TASP1: variants seen among roughly 807,000 people sequenced by gnomAD.
TASP1 encodes threonine aspartase 1.
TASP1 carries 16 observed loss-of-function variants against 56.6 expected under a neutral mutation model. The ratio of observed to expected loss-of-function variants is 0.28; its 90% CI spans 0.19 to 0.43. The LOEUF is 0.43. Among genes scored for constraint, TASP1 ranks in the 20% least tolerant of loss-of-function variants. The pLI, the probability that TASP1 is intolerant of heterozygous loss-of-function variation, is 1.00. For missense variants in TASP1, 393 were observed against 511.6 expected, an observed-to-expected ratio of 0.77 and a Z score of 2.24; for synonymous variants, 179 against 184.2, an observed-to-expected ratio of 0.97 and a Z score of 0.23.
the TASP1 span, among the ~76,000 whole-genome samples, chr20:13,350,239 T>A: frequency 6.6e-6 from 1 of 151,866 alleles, no homozygotes; most frequent in Non-Finnish European, 1.5e-5. Context: ...AGAAAGAAGA[T>A]CTAAATAAAC....
intron 12 of TASP1, among the ~76,000 whole-genome samples, chr20:13,426,902 T>C (rs186811355): frequency 2.6e-5 from 4 of 152,312 alleles, no homozygotes; most frequent in East Asian, 1.9e-4. Flanking sequence ...ACCATGACAA[T>C]GGACTGTCAC....
At chr20:13,126,549 G>C in the TASP1 span, 2 of 1,608,712 alleles carry the variant, frequency 1.2e-6, no homozygotes, top group Non-Finnish European at 1.7e-6. Flanking sequence ...CCAGTGTTGA[G>C]ATTTATTTGC....
At chr20:13,635,074 G>A (rs966580576) in intron 1 of TASP1, among the ~76,000 whole-genome samples, 5 of 152,166 alleles carry the variant, frequency 3.3e-5, no homozygotes, top group East Asian at 1.9e-4. Flanking sequence ...ATTTGGTAAT[G>A]GTTGCACAAC....
the TASP1 span, among the ~76,000 whole-genome samples, chr20:13,379,295 G>C: frequency 6.6e-6 from 1 of 152,166 alleles, no homozygotes; most frequent in African/African-American, 2.4e-5. Context: ...CTCAGCATTT[G>C]CTTGTCTGTA....
At chr20:13,337,075 T>G in the TASP1 span, among the ~76,000 whole-genome samples, 2 of 152,230 alleles carry the variant, frequency 1.3e-5, no homozygotes, top group Non-Finnish European at 2.9e-5. Context: ...GCACCAGAAT[T>G]CAGAGGGATT....
At chr20:13,473,932 G>C (rs2044619879) in intron 11 of TASP1, among the ~76,000 whole-genome samples, 1 of 152,100 alleles carries the variant, frequency 6.6e-6, no homozygotes, top group Non-Finnish European at 1.5e-5. Context: ...AATTTAGCTG[G>C]ATGTGGTGGT....
intron 1 of TASP1, among the ~76,000 whole-genome samples, 154 bp from the exon 2 acceptor site, chr20:13,630,306 ATT>A (rs1393742315): frequency 2.6e-5 from 4 of 152,164 alleles, no homozygotes; most frequent in East Asian, 3.9e-4. Context: ...TATTAAAATT[ATT>A]TTTTCTTATT....
intron 6 of TASP1, among the ~76,000 whole-genome samples, chr20:13,572,578 C>T (rs1485255378): frequency 1.0e-4 from 15 of 147,566 alleles, no homozygotes. Flanking sequence ...CCCAGCTACT[C>T]GGGAGGCTGA....
the TASP1 span, among the ~76,000 whole-genome samples, chr20:13,378,710 A>C: frequency 1.3e-5 from 2 of 152,156 alleles, no homozygotes; most frequent in African/African-American, 4.8e-5. Context: ...TGGGAGTCTA[A>C]GTCTCTTTGT....
chr20:13,268,095 A>C, the TASP1 span, among the ~76,000 whole-genome samples: 2 of 122,630 alleles, frequency 1.6e-5, no homozygotes, highest in Admixed American at 7.7e-5. Context: ...AAAAGATAGC[A>C]TGCTCTCTCT....
intron 11 of TASP1, among the ~76,000 whole-genome samples, chr20:13,457,419 C>T (rs1043818856): frequency 1.3e-5 from 2 of 151,918 alleles, no homozygotes; most frequent in East Asian, 1.9e-4. Flanking sequence ...ATGCTTTATG[C>T]TCAAAAACAA....
At chr20:13,512,561 A>G (rs1257198588) in intron 10 of TASP1, among the ~76,000 whole-genome samples, 3 of 151,882 alleles carry the variant, frequency 2.0e-5, no homozygotes, top group African/African-American at 4.8e-5. Context: ...TTGCCTGTTC[A>G]CTCTGATAGT....
chr20:13,365,082 C>A, the TASP1 span, among the ~76,000 whole-genome samples: 4 of 152,244 alleles, frequency 2.6e-5, no homozygotes, highest in East Asian at 7.7e-4. Flanking sequence ...CAAAGAATAT[C>A]TTTGTCTCTT....
downstream of TASP1, among the ~76,000 whole-genome samples, chr20:13,387,184 A>ATTTTTTTTTT (rs779048448): frequency 8.5e-5 from 6 of 70,692 alleles, no homozygotes; most frequent in Non-Finnish European, 1.3e-4. Flanking sequence ...ACATGATTTC[A>ATTTTTTTTTT]TTTTTTTTTT....
the TASP1 span, among the ~76,000 whole-genome samples, chr20:13,257,640 C>T: frequency 6.6e-6 from 1 of 151,892 alleles, no homozygotes; most frequent in Non-Finnish European, 1.5e-5. Flanking sequence ...CCTGATTAAC[C>T]CTAAAAAGTC....
chr20:13,424,014 T>C (rs2042538940), intron 12 of TASP1, among the ~76,000 whole-genome samples: 1 of 152,244 alleles, frequency 6.6e-6, no homozygotes, highest in Non-Finnish European at 1.5e-5. Context: ...TCTACTTCCA[T>C]TTACACCAAA....
chr20:13,605,657 C>A (rs1337675309), intron 4 of TASP1, among the ~76,000 whole-genome samples: 4 of 151,890 alleles, frequency 2.6e-5, no homozygotes, highest in Non-Finnish European at 2.9e-5. Flanking sequence ...CCAGCCTGGG[C>A]AACAGAGTGA....
At chr20:13,612,316 C>CAA (rs777321178) in intron 4 of TASP1, among the ~76,000 whole-genome samples, 1 of 152,048 alleles carries the variant, frequency 6.6e-6, no homozygotes, top group Non-Finnish European at 1.5e-5. Flanking sequence ...GCTTTCTACT[C>CAA]AGAGTCCACA....
chr20:13,221,051 C>T, the TASP1 span, among the ~76,000 whole-genome samples: 1 of 152,090 alleles, frequency 6.6e-6, no homozygotes, highest in Non-Finnish European at 1.5e-5. Context: ...CCCGGGGCCC[C>T]CATCTGGAAC....
Sources: allele counts gnomAD v4.1 joint callset (sites outside exome capture counted in the v4.1 genomes callset), GRCh38; gene constraint gnomAD v4.1.1; transcripts MANE v1.5; gene names NCBI Gene and HGNC (gene_info 2026-07-23, HGNC 2026-07-21).